PLAC1: variants seen among roughly 807,000 people sequenced by gnomAD.
PLAC1 encodes placenta associated 1.
For synonymous variants in PLAC1, 68 were observed against 62.1 expected (o/e 1.09, Z -0.44); for missense variants, 136 against 163.2 (o/e 0.83, Z 0.91).
chrX:134,590,891 G>A (rs1277182591), intron 2 of PLAC1, among the ~76,000 whole-genome samples: 4 of 88,914 alleles, frequency 4.5e-5, no homozygotes. Context: ...TCACAGTGCT[G>A]GGATTACAGG....
intron 1 of PLAC1, among the ~76,000 whole-genome samples, chrX:134,650,016 C>T (rs1230923580): frequency 9.0e-6 from 1 of 111,726 alleles, no homozygotes; most frequent in African/African-American, 3.3e-5. Context: ...CTGCCCTATA[C>T]CCTGGAGGAA....
chrX:134,748,467 G>T (rs955417115), intron 1 of PLAC1, among the ~76,000 whole-genome samples: 1 of 111,649 alleles, frequency 9.0e-6, no homozygotes, highest in Non-Finnish European at 1.9e-5. Context: ...TTGAGGGCCA[G>T]ATTCATATCT....
chrX:134,704,457 C>A lies in PLAC1; in HGVS notation n.174+28978G>T, dbSNP rs184791588. ...ACAGTGAGCTGAGATTGCAACATTG[C>A]ACTCCAGCCTGGGCAACACAGTGAG... is the stretch of plus-strand genomic sequence containing the variant. On this transcript the variant is annotated intron_variant and non_coding_transcript_variant, in intron 2 of 2. Transcript: ENST00000466797. 8.4e-3 allele frequency among the ~76,000 whole-genome samples: 833 copies of A among 99,319 alleles called. 17 individuals are homozygous for A. Among genetic ancestry groups the A allele is most frequent in the African/African-American group, 0.03 (801 of 27,021 alleles). 86.2% of individuals were successfully genotyped at this position (99,319 alleles called of 115,157 possible).
upstream of PLAC1, among the ~76,000 whole-genome samples, chrX:134,659,178 G>A (rs1289782392): frequency 9.1e-6 from 1 of 109,931 alleles, no homozygotes; most frequent in Non-Finnish European, 1.9e-5. Context: ...TAACAAACCT[G>A]CACATCCTGC....
chrX:134,586,207 C>T (rs187717917), intron 2 of PLAC1, among the ~76,000 whole-genome samples: 40 of 111,594 alleles, frequency 3.6e-4, no homozygotes, highest in South Asian at 1.1e-3. Context: ...CCTGCCCCAC[C>T]GCCTGCCCTG....
chrX:134,678,980 C>T (rs573574481), intron 2 of PLAC1, among the ~76,000 whole-genome samples: 1 of 111,494 alleles, frequency 9.0e-6, no homozygotes, highest in Admixed American at 9.5e-5. Context: ...CAAGGAGTAC[C>T]TGGAGCCAGC....
chrX:134,739,289 A>G (rs1200910756), intron 1 of PLAC1, among the ~76,000 whole-genome samples: 1 of 112,296 alleles, frequency 8.9e-6, no homozygotes, highest in Non-Finnish European at 1.9e-5. Flanking sequence ...TGTTAAATTG[A>G]TTTTTTTATT....
intron 2 of PLAC1, among the ~76,000 whole-genome samples, chrX:134,697,011 C>G (rs2078566560): frequency 2.0e-5 from 2 of 102,403 alleles, no homozygotes; most frequent in Admixed American, 2.1e-4. Flanking sequence ...CCAGCCTGGG[C>G]AACAGAGCGA....
intron 1 of PLAC1, among the ~76,000 whole-genome samples, chrX:134,623,731 G>A (rs2078222473): frequency 9.0e-6 from 1 of 111,376 alleles, no homozygotes; most frequent in South Asian, 3.8e-4. Context: ...TGCCGCATGT[G>A]CCTGCATCTC....
At chrX:134,742,720 G>A (rs2078720203) in intron 1 of PLAC1, among the ~76,000 whole-genome samples, 1 of 110,726 alleles carries the variant, frequency 9.0e-6, no homozygotes, top group African/African-American at 3.3e-5. Context: ...TTCCTTAAGG[G>A]GCTAAATTAG....
intron 1 of PLAC1, among the ~76,000 whole-genome samples, chrX:134,742,505 T>C (rs1281078368): frequency 9.0e-6 from 1 of 111,460 alleles, no homozygotes; most frequent in Non-Finnish European, 1.9e-5. Context: ...GGCGAATCAC[T>C]TGAACCCAGG....
chrX:134,683,077 C>T (rs752020126), intron 2 of PLAC1, among the ~76,000 whole-genome samples: 2 of 112,200 alleles, frequency 1.8e-5, no homozygotes, highest in Admixed American at 1.9e-4. Context: ...TGTTCAATTT[C>T]AATACTTTCT....
At chrX:134,749,234 T>C (rs1256271571) in intron 1 of PLAC1, among the ~76,000 whole-genome samples, 1 of 112,217 alleles carries the variant, frequency 8.9e-6, no homozygotes, top group Non-Finnish European at 1.9e-5. Context: ...TGAGGATTGT[T>C]GAGCATGGAA....
At chrX:134,584,604 G>C (rs1243096505) in intron 2 of PLAC1, among the ~76,000 whole-genome samples, 1 of 110,404 alleles carries the variant, frequency 9.1e-6, no homozygotes, top group Non-Finnish European at 1.9e-5. Flanking sequence ...TATGTGTGAG[G>C]GTTTCTCGGT....
intron 2 of PLAC1, among the ~76,000 whole-genome samples, chrX:134,599,949 G>C (rs1405212221): frequency 9.0e-6 from 1 of 110,933 alleles, no homozygotes; most frequent in East Asian, 2.8e-4. Flanking sequence ...AAAAGGGGTG[G>C]GGATGGAGAG....
At chrX:134,752,516 C>G (rs1426717412) in intron 1 of PLAC1, among the ~76,000 whole-genome samples, 1 of 111,469 alleles carries the variant, frequency 9.0e-6, no homozygotes, top group African/African-American at 3.3e-5. Flanking sequence ...AAAGTCAAAA[C>G]TTTTTTTTCT....
intron 2 of PLAC1, among the ~76,000 whole-genome samples, chrX:134,580,949 G>A (rs181666014): frequency 8.9e-6 from 1 of 111,930 alleles, no homozygotes; most frequent in East Asian, 2.8e-4. Context: ...AAACTAAGAA[G>A]AATGGCCTGT....
At chrX:134,612,056 T>C (rs140275786) in intron 1 of PLAC1, among the ~76,000 whole-genome samples, 2,427 of 112,544 alleles carry the variant, frequency 0.022, 32 homozygotes, top group Non-Finnish European at 0.032. Flanking sequence ...GGTAGATGAC[T>C]TTGTATATCT....
intron 1 of PLAC1, among the ~76,000 whole-genome samples, chrX:134,738,357 A>C (rs898626730): frequency 3.6e-5 from 4 of 111,646 alleles, no homozygotes; most frequent in African/African-American, 1.3e-4. Context: ...TCTCTCGAAA[A>C]CAAGACACAA....
Sources: gnomAD v4.1 joint callset for allele counts (sites outside exome capture counted in the v4.1 genomes callset) on GRCh38, gnomAD v4.1.1 for gene constraint, MANE v1.5 for transcripts, NCBI Gene and HGNC (gene_info 2026-07-23, HGNC 2026-07-21) for gene names.